Variants in MROH7 observed in about 807,000 individuals in gnomAD.
The protein encoded by MROH7 is maestro heat like repeat family member 7.
In MROH7, 113 loss-of-function variants were observed where a neutral mutation model predicts 129.2. The observed-to-expected ratio is 0.87, with a 90% confidence interval of 0.75 to 1.02. The LOEUF is 1.02. Among genes scored for constraint, MROH7 ranks in the 50% least tolerant of loss-of-function variants. The pLI is 0.00. For synonymous variants in MROH7, 655 were observed against 667.9 expected, an observed-to-expected ratio of 0.98 and a Z score of 0.30; for missense variants, 1,601 against 1,671.3, an observed-to-expected ratio of 0.96 and a Z score of 0.73.
At chr1:54,694,438 C>T (rs1645289256) in intron 16 of MROH7, among the ~76,000 whole-genome samples, 1 of 152,124 alleles carries the variant, frequency 6.6e-6, no homozygotes, top group South Asian at 2.1e-4. Context: ...TGCCCCGTAC[C>T]CTAAGAGTTC....
At chr1:54,665,489 CA>C in intron 4 of MROH7, 1 of 419,766 alleles carries the variant, frequency 2.4e-6, no homozygotes, top group Non-Finnish European at 4.3e-6. Context: ...GCTATAACTT[CA>C]GCACCTAGAA....
intron 17 of MROH7, among the ~76,000 whole-genome samples, chr1:54,696,659 CTTTTTTTTTTTTTT>C (rs1157748080): frequency 9.0e-5 from 6 of 66,882 alleles, no homozygotes; most frequent in East Asian, 4.2e-4. Context: ...AATTTCCTTA[CTTTTTTTTTTTTTT>C]TTTTTTTTTT....
rs1473778004 is a variant in MROH7, at chr1:54,675,602, T to G, written c.1936+1451T>G. Among the ~76,000 whole-genome samples the G allele has an allele frequency of 3.7e-3, 253 of 68,650 alleles. 3 individuals are homozygous for G. The highest frequency in any genetic ancestry group is 0.014 in the African/African-American group (228 of 15,848). 45.0% of individuals were successfully genotyped at this position (68,650 alleles called of 152,430 possible). ...GCCTATTCTGGCTCGGGACGCTGCC[T>G]TTTTTTTTTTTTTGAGACAGAGTCT... On this transcript the variant is annotated intron_variant, in intron 10 of 23. Coordinates refer to ENST00000421030, the MANE Select transcript of MROH7 (RefSeq NM_001039464.4).
chr1:54,664,481 G>A (rs1472221613), intron 3 of MROH7, among the ~76,000 whole-genome samples: 1 of 152,194 alleles, frequency 6.6e-6, no homozygotes, highest in African/African-American at 2.4e-5. Flanking sequence ...CCGGGTAGAG[G>A]GAACCACCGT....
At chr1:54,701,988 T>C (rs1645443779) in intron 19 of MROH7, 102 bp from the exon 20 acceptor site, 1 of 1,077,434 alleles carries the variant, frequency 9.3e-7, no homozygotes, top group Non-Finnish European at 1.3e-6. Flanking sequence ...GTCGGGAGAG[T>C]TCCAGACCTA....
At position 54,695,422 on chromosome 1, in the gene MROH7, C is replaced by A. The variant is rs375674756; in HGVS notation, c.2896C>A (p.Leu966Met). Residue 966 changes from leucine to methionine, a missense_variant, in exon 17 of 24, where the codon CTG becomes ATG. Coordinates refer to ENST00000421030, the MANE Select transcript of MROH7 (RefSeq NM_001039464.4). ...CCAGGAGCTGTGCCGCATCCTCTAC[C>A]TGCTCATCCCGCTCCTGGAGCGAGG... Reference protein sequence around the residue: ...SCQELCRILYLLIPLLERGDE... With the variant: ...SCQELCRILYMLIPLLERGDE... 1.9e-6 allele frequency: 3 copies of A among 1,613,846 alleles called. No homozygotes were observed. The highest frequency in any genetic ancestry group is 2.5e-6 in the Non-Finnish European group (3 of 1,179,890).
chr1:54,666,391 G>A (rs1644814686), intron 4 of MROH7, among the ~76,000 whole-genome samples: 1 of 147,408 alleles, frequency 6.8e-6, no homozygotes, highest in Non-Finnish European at 1.5e-5. Flanking sequence ...CTTGGATCCT[G>A]GCAAAACAGG....
chr1:54,695,766 A>G (rs994422255), intron 17 of MROH7: 1 of 452,668 alleles, frequency 2.2e-6, no homozygotes, highest in Non-Finnish European at 4.2e-6. Context: ...AGACATATAA[A>G]TGTGAATTTG....
intron 13 of MROH7, among the ~76,000 whole-genome samples, chr1:54,682,126 T>C (rs1334833107): frequency 6.6e-6 from 1 of 151,986 alleles, no homozygotes; most frequent in African/African-American, 2.4e-5. Flanking sequence ...ACATTTGGCA[T>C]GATACCTGGG....
intron 10 of MROH7, among the ~76,000 whole-genome samples, chr1:54,676,982 C>T (rs1283066421): frequency 6.6e-6 from 1 of 152,176 alleles, no homozygotes. Flanking sequence ...GTTAGGATTA[C>T]AGGCATGAGC....
In MROH7 at chr1:54,703,643, C is replaced by T. The variant is rs975720216; in HGVS notation, c.3564+898C>T. On this transcript the variant is annotated intron_variant, in intron 21 of 23. Transcript: ENST00000421030. The surrounding 1 kb of genome is among the most constrained non-coding windows in gnomAD (Gnocchi z 4.4). ...AGCAAGCCGCGTGCATGTGCGCGCGCGCATACACACACACACACAAGCACA... is the reference window on the plus strand; with the variant it reads ...AGCAAGCCGCGTGCATGTGCGCGCGTGCATACACACACACACACAAGCACA... Among the ~76,000 whole-genome samples, 3 of 151,988 alleles carry T rather than the reference C, an allele frequency of 2.0e-5. No homozygotes were observed. Among genetic ancestry groups the T allele is most frequent in the Non-Finnish European group, 2.9e-5 (2 of 67,996 alleles).
In MROH7 at chr1:54,699,162, T is replaced by TTTC. The variant is rs1557727254; in HGVS notation, c.2965-1159_2965-1158insTTC. ...TCTTTCTTTCTTTCTTTCTTTCTTT[T>TTTC]CTTTCTTTCTTTCTTTCTTTCTTTC... On this transcript the variant is annotated intron_variant, in intron 17 of 23. Coordinates refer to ENST00000421030, the MANE Select transcript of MROH7 (RefSeq NM_001039464.4). The TTTC allele has an allele frequency of 3.0e-3, 262 of 86,126 alleles. 15 individuals are homozygous for TTTC. Among genetic ancestry groups the TTTC allele is most frequent in the African/African-American group, 0.012 (250 of 20,594 alleles). 5.3% of individuals were successfully genotyped at this position (86,126 alleles called of 1,614,324 possible). A position where few individuals can be genotyped will look rare whatever the true frequency, so the allele number is the denominator to read the frequency against.
At chr1:54,644,878 C>T (rs549797841) in intron 1 of MROH7, among the ~76,000 whole-genome samples, 77 of 150,722 alleles carry the variant, frequency 5.1e-4, no homozygotes, top group African/African-American at 1.8e-3. Context: ...GGTGCAATCT[C>T]AGCTCACTGC....
In MROH7 at chr1:54,653,691, C is replaced by G; in HGVS notation, c.765C>G (p.Ile255Met). The change falls in exon 3 of 24, where the codon ATC becomes ATG. Residue 255 changes from isoleucine to methionine, a missense_variant. Physicochemically the swap from Ile to Met is conservative, Grantham distance 10 (BLOSUM62 1). Coordinates refer to ENST00000421030, the MANE Select transcript of MROH7 (RefSeq NM_001039464.4). ...NETITLASHN[I>M]SESVSKGAFS... ...CCATCACTTTGGCTTCACATAATAT[C>G]TCTGAGTCTGTTTCAAAAGGAGCCT... 6.2e-7 allele frequency: 1 copy of G among 1,614,190 alleles called. No individual in the cohort carries two copies. Among genetic ancestry groups the G allele is most frequent in the East Asian group, 2.2e-5 (1 of 44,884 alleles).
chr1:54,656,726 A>G (rs2101074886), intron 3 of MROH7, among the ~76,000 whole-genome samples: 1 of 151,988 alleles, frequency 6.6e-6, no homozygotes, highest in East Asian at 1.9e-4. Context: ...GGAGGCTCCT[A>G]CTTAAACCTG....
chr1:54,642,956 A>G (rs1644410931), intron 1 of MROH7, among the ~76,000 whole-genome samples: 1 of 152,236 alleles, frequency 6.6e-6, no homozygotes, highest in Admixed American at 6.5e-5. Flanking sequence ...TAACATGCCA[A>G]TGAATGAGAT....
In MROH7 at chr1:54,700,949, C is replaced by A. The variant is rs6664637; in HGVS notation, c.3106-194C>A. 1.7e-3 allele frequency among the ~76,000 whole-genome samples: 257 copies of A among 152,368 alleles called. 1 individual carries two copies. The highest frequency in any genetic ancestry group is 2.7e-3 in the Non-Finnish European group (187 of 68,034). ...GCCTCAGGGGTCCTGGCCAACGAGTCAGTGAGGCCAAAGAAGGCTTTGAGG... is the reference window on the plus strand; with the variant it reads ...GCCTCAGGGGTCCTGGCCAACGAGTAAGTGAGGCCAAAGAAGGCTTTGAGG... On this transcript the variant is annotated intron_variant, in intron 18 of 23. Coordinates refer to ENST00000421030, the MANE Select transcript of MROH7 (RefSeq NM_001039464.4).
At chr1:54,680,984 C>T (rs1359101531) in intron 13 of MROH7, among the ~76,000 whole-genome samples, 1 of 152,038 alleles carries the variant, frequency 6.6e-6, no homozygotes, top group Admixed American at 6.5e-5. Flanking sequence ...CAGTCAGACT[C>T]ATAAGACTAC....
intron 3 of MROH7, among the ~76,000 whole-genome samples, chr1:54,655,856 G>A (rs1644635582): frequency 6.6e-6 from 1 of 151,096 alleles, no homozygotes; most frequent in Non-Finnish European, 1.5e-5. Flanking sequence ...GAAGTCTAGT[G>A]CACCCTGGGT....
Sources: allele counts gnomAD v4.1 joint callset (sites outside exome capture counted in the v4.1 genomes callset), GRCh38; gene constraint gnomAD v4.1.1; non-coding constraint Gnocchi (gnomAD v3.1); transcripts MANE v1.5; gene names NCBI Gene and HGNC (gene_info 2026-07-23, HGNC 2026-07-21).